The following CARMIL1 variants were observed in gnomAD, a reference collection of about 807,000 sequenced individuals.
CARMIL1 encodes capping protein regulator and myosin 1 linker 1, also known as F-actin-uncapping protein LRRC16A.
Under a neutral mutation model 177.1 loss-of-function variants are expected in CARMIL1, and 90 were observed. The ratio of observed to expected loss-of-function variants is 0.51; its 90% CI spans 0.43 to 0.61. The LOEUF (loss-of-function observed/expected upper bound fraction) is 0.61, where lower values mean the gene tolerates loss of function less well. Among genes scored for constraint, CARMIL1 ranks in the 20% least tolerant of loss-of-function variants. The pLI is 0.00. For synonymous variants in CARMIL1, 577 were observed against 606.2 expected, an observed-to-expected ratio of 0.95 and a Z score of 0.71; for missense variants, 1,380 against 1,667.0, an observed-to-expected ratio of 0.83 and a Z score of 3.00.
intron 8 of CARMIL1, among the ~76,000 whole-genome samples, chr6:25,459,235 TTTC>T (rs1799821580): frequency 1.1e-5 from 1 of 94,824 alleles, no homozygotes; most frequent in African/African-American, 3.8e-5. Context: ...TCTTTCTTTC[TTTC>T]TTTCTTTCTT....
intron 8 of CARMIL1, among the ~76,000 whole-genome samples, chr6:25,451,034 G>A (rs965473642): frequency 1.5e-4 from 13 of 89,560 alleles, no homozygotes; most frequent in Non-Finnish European, 2.2e-4. Flanking sequence ...TCTCTTTCCT[G>A]CAGTTCTCTG....
chr6:25,456,275 A>G (rs1027281315), intron 8 of CARMIL1, among the ~76,000 whole-genome samples: 1 of 152,212 alleles, frequency 6.6e-6, no homozygotes, highest in Non-Finnish European at 1.5e-5. Flanking sequence ...TTTGTAAGCA[A>G]TTTGAATGTT....
chr6:25,524,558 T>C (rs962284064), intron 23 of CARMIL1, among the ~76,000 whole-genome samples: 2 of 152,316 alleles, frequency 1.3e-5, no homozygotes, highest in Non-Finnish European at 1.5e-5. Flanking sequence ...TTACCAGGTA[T>C]GTCATTTTCA....
chr6:25,317,049 A>T (rs1784335627), intron 2 of CARMIL1, among the ~76,000 whole-genome samples: 1 of 152,208 alleles, frequency 6.6e-6, no homozygotes, highest in South Asian at 2.1e-4. Flanking sequence ...AAAAGGTGTC[A>T]CTGAGGGTAC....
intron 5 of CARMIL1, among the ~76,000 whole-genome samples, chr6:25,447,177 T>C (rs781713321): frequency 2.6e-5 from 4 of 152,202 alleles, no homozygotes; most frequent in African/African-American, 4.8e-5. Context: ...AAAGCTTCAA[T>C]TGGCAAAAAA....
intron 32 of CARMIL1, among the ~76,000 whole-genome samples, chr6:25,597,839 A>G (rs1814998552): frequency 6.6e-6 from 1 of 152,208 alleles, no homozygotes; most frequent in Non-Finnish European, 1.5e-5. Context: ...ACTGTTGCAT[A>G]TCTTTCATTT....
intron 2 of CARMIL1, among the ~76,000 whole-genome samples, chr6:25,334,825 G>T (rs7763072): frequency 0.052 from 7,868 of 152,258 alleles, 284 homozygotes; most frequent in Non-Finnish European, 0.086. Flanking sequence ...GATGCAATTT[G>T]CTGGCAAATC....
Position 25,580,943 on chromosome 6 carries a change from G to A in CARMIL1, c.2762G>A (p.Arg921Lys). ...TTCTAGATGACCCCTAAATCCAAAA[G>A]GAAGAGTATCCATAGCCGAATGCTG... ...DTCMMTPKSK[R>K]KSIHSRMLRP... Residue 921 changes from arginine (R) to lysine (K), a missense_variant, in exon 30 of 37, where the codon AGG becomes AAG. Coordinates refer to ENST00000329474, the MANE Select transcript of CARMIL1 (RefSeq NM_017640.6). 1 of 1,599,492 alleles carries A rather than the reference G, an allele frequency of 6.3e-7. No homozygotes were observed. The highest frequency in any genetic ancestry group is 8.5e-7 in the Non-Finnish European group (1 of 1,172,412).
At chr6:25,487,862 G>T (rs1802815956) in intron 12 of CARMIL1, among the ~76,000 whole-genome samples, 1 of 152,158 alleles carries the variant, frequency 6.6e-6, no homozygotes, top group Non-Finnish European at 1.5e-5. Context: ...GTTTAGTTCA[G>T]TTTATGTTAA....
intron 36 of CARMIL1, 126 bp downstream of exon 36, chr6:25,610,307 T>C (rs1816401313): frequency 3.4e-6 from 4 of 1,182,296 alleles, no homozygotes. Flanking sequence ...ATTGCTTGGG[T>C]TAAATTTTTG....
At chr6:25,351,111 A>G (rs1311411712) in intron 2 of CARMIL1, among the ~76,000 whole-genome samples, 1 of 152,158 alleles carries the variant, frequency 6.6e-6, no homozygotes, top group Non-Finnish European at 1.5e-5. Flanking sequence ...GTGGCCCTCT[A>G]TGGTAGCTGC....
chr6:25,447,289 C>A (rs72831274), intron 5 of CARMIL1, among the ~76,000 whole-genome samples: 7,768 of 152,190 alleles, frequency 0.051, 240 homozygotes, highest in Admixed American at 0.071. Flanking sequence ...ATTTTCCATG[C>A]CAACAGAATG....
chr6:25,286,844 CTATT>C (rs1274124097), intron 2 of CARMIL1, among the ~76,000 whole-genome samples: 2 of 152,152 alleles, frequency 1.3e-5, no homozygotes, highest in African/African-American at 4.8e-5. Flanking sequence ...AAAATTAGCA[CTATT>C]TAAACATGCT....
At chr6:25,518,730 G>A (rs368603362) in intron 22 of CARMIL1, among the ~76,000 whole-genome samples, 32 of 152,282 alleles carry the variant, frequency 2.1e-4, no homozygotes, top group African/African-American at 7.5e-4. Flanking sequence ...CCAATACTCA[G>A]CATTTCCAGA....
At position 25,558,176 on chromosome 6, in the gene CARMIL1, C is replaced by G. The variant is rs1810797399; in HGVS notation, c.2742+1326C>G. On this transcript the variant is annotated intron_variant, in intron 29 of 36. Transcript: ENST00000329474. This position sits in a 1 kb window ranked among gnomAD's most constrained non-coding sequence, Gnocchi z 4.1. The stretch of plus-strand genomic sequence containing the variant: ...TTGTTCTGGAAAGCTCTTAGACTAG[C>G]CCTAAAAGAAAACAAATAATAAGAA... Among the ~76,000 whole-genome samples, 1 of 152,024 alleles carries G rather than the reference C, an allele frequency of 6.6e-6. No homozygotes were observed. The highest frequency in any genetic ancestry group is 6.6e-5 in the Admixed American group (1 of 15,256).
chr6:25,436,952 G>A (rs988469067), intron 5 of CARMIL1, among the ~76,000 whole-genome samples: 95 of 152,100 alleles, frequency 6.2e-4, no homozygotes, highest in African/African-American at 2.1e-3. Flanking sequence ...ACACACAGGC[G>A]GTTCTGGAGA....
chr6:25,294,575 C>A (rs551195742), intron 2 of CARMIL1, among the ~76,000 whole-genome samples: 6 of 152,202 alleles, frequency 3.9e-5, no homozygotes, highest in Non-Finnish European at 7.3e-5. Context: ...GGATCTGCTT[C>A]TCACTCTCCA....
In CARMIL1 at chr6:25,577,028, T is replaced by A. The variant is rs1812652987; in HGVS notation, c.2743-3896T>A. On this transcript the variant is annotated intron_variant, in intron 29 of 36. Coordinates refer to ENST00000329474, the MANE Select transcript of CARMIL1 (RefSeq NM_017640.6). The surrounding 1 kb of genome is among the most constrained non-coding windows in gnomAD (Gnocchi z 4.5). ...TTTTGGTGGCTCTGCGGTTTCTGGC[T>A]GTACTACTTTATATTCTTGTGCTCC... 4 of 985,306 alleles carry A rather than the reference T, an allele frequency of 4.1e-6. No homozygotes were observed. The South Asian group carries it at 1.9e-4, about 46-fold the overall frequency. 61.0% of individuals were successfully genotyped at this position (985,306 alleles called of 1,614,324 possible). A position where few individuals can be genotyped will look rare whatever the true frequency, so the allele number is the denominator to read the frequency against.
intron 24 of CARMIL1, among the ~76,000 whole-genome samples, chr6:25,531,490 C>T (rs1160935005): frequency 3.9e-5 from 6 of 152,132 alleles, no homozygotes; most frequent in Admixed American, 1.3e-4. Flanking sequence ...ATTTTATTCT[C>T]TTCTCAGTAT....
Sources: allele counts gnomAD v4.1 joint callset (sites outside exome capture counted in the v4.1 genomes callset), GRCh38; gene constraint gnomAD v4.1.1; non-coding constraint Gnocchi (gnomAD v3.1); transcripts MANE v1.5; gene names NCBI Gene and HGNC (gene_info 2026-07-23, HGNC 2026-07-21).